CLYBL: variants seen among roughly 807,000 people sequenced by gnomAD.
The protein encoded by CLYBL is citramalyl-CoA lyase, mitochondrial.
CLYBL carries 31 observed loss-of-function variants against 38.9 expected under a neutral mutation model. That is an observed-to-expected ratio of 0.80 (90% CI 0.60 to 1.08). CLYBL has a LOEUF of 1.08. Ranked by LOEUF, CLYBL falls within the 50% of genes least tolerant of loss-of-function variation. The pLI is 0.00. For missense variants in CLYBL, 434 were observed against 411.6 expected (o/e 1.05, Z -0.47); for synonymous variants, 171 against 158.6 (o/e 1.08, Z -0.59).
At chr13:99,838,785 G>A (rs1227437873) in intron 2 of CLYBL, among the ~76,000 whole-genome samples, 5 of 140,378 alleles carry the variant, frequency 3.6e-5, no homozygotes, top group East Asian at 2.2e-4. Flanking sequence ...ACAGGTGTCC[G>A]CCACCACGCC....
intron 1 of CLYBL, among the ~76,000 whole-genome samples, chr13:99,654,738 G>T (rs1398429217): frequency 6.6e-6 from 1 of 152,202 alleles, no homozygotes; most frequent in Non-Finnish European, 1.5e-5. Context: ...GGATGCCGTG[G>T]CTCACGCCTG....
At chr13:99,689,601 G>C (rs1282220381) in intron 1 of CLYBL, among the ~76,000 whole-genome samples, 1 of 152,192 alleles carries the variant, frequency 6.6e-6, no homozygotes, top group South Asian at 2.1e-4. Context: ...TTTGAAGACT[G>C]TATTCAATTG....
At position 99,800,214 on chromosome 13, in the gene CLYBL, C is replaced by T. The variant is rs537302578; in HGVS notation, c.249+27204C>T. Among the ~76,000 whole-genome samples the T allele has an allele frequency of 2.8e-4, 42 of 152,334 alleles. 1 individual carries two copies. The South Asian group carries it at 8.7e-3, about 32-fold the overall frequency. ...AGTCTGGGGCTCAGGGCCAACCAGTCAGTGCACTGCATTCCACTGGCCACC... is the reference window on the plus strand; with the variant it reads ...AGTCTGGGGCTCAGGGCCAACCAGTTAGTGCACTGCATTCCACTGGCCACC... On this transcript the variant is annotated intron_variant, in intron 2 of 8. Transcript: ENST00000339105.
At chr13:99,620,812 G>A (rs9517807) in intron 1 of CLYBL, among the ~76,000 whole-genome samples, 6,286 of 146,004 alleles carry the variant, frequency 0.043, 458 homozygotes, top group African/African-American at 0.15. Flanking sequence ...GAGAGAAAGA[G>A]AGAGAGAGAG....
Position 99,767,968 on chromosome 13 carries a change from TTGAC to T in CLYBL, c.63-4853_63-4850del, listed in dbSNP as rs1225466443. Among the ~76,000 whole-genome samples the T allele has an allele frequency of 5.3e-5, 8 of 152,254 alleles. No homozygotes were observed. In the East Asian group the frequency reaches 1.2e-3, roughly 22 times the overall value. The stretch of plus-strand genomic sequence containing the variant: ...TTTCTGTTGACTTATTTTTCTTCCT[TTGAC>T]TGGGCCATATTTTCATCTTTCTTCA... On this transcript the variant is annotated intron_variant, in intron 1 of 8. Transcript: ENST00000339105.
At chr13:99,848,879 C>T (rs1326441026) in intron 2 of CLYBL, among the ~76,000 whole-genome samples, 4 of 152,162 alleles carry the variant, frequency 2.6e-5, no homozygotes, top group South Asian at 2.1e-4. Context: ...TGGCTCACGC[C>T]GAAAATCCCA....
chr13:99,706,147 G>T (rs1428519314), intron 1 of CLYBL, among the ~76,000 whole-genome samples: 2 of 152,054 alleles, frequency 1.3e-5, no homozygotes, highest in Non-Finnish European at 2.9e-5. Context: ...GGCCAGGCTG[G>T]TTTTGAACTC....
chr13:99,800,300 T>C (rs2138935824), intron 2 of CLYBL, among the ~76,000 whole-genome samples: 1 of 152,286 alleles, frequency 6.6e-6, no homozygotes, highest in East Asian at 1.9e-4. Flanking sequence ...AATATCAGGC[T>C]TTTTGGGGAG....
chr13:99,672,967 C>T (rs2047589397), intron 1 of CLYBL, among the ~76,000 whole-genome samples: 1 of 152,120 alleles, frequency 6.6e-6, no homozygotes, highest in Non-Finnish European at 1.5e-5. Context: ...GAGGAGCCAC[C>T]ATGTTCAGGG....
intron 2 of CLYBL, among the ~76,000 whole-genome samples, chr13:99,773,235 A>G (rs1348942683): frequency 2.6e-5 from 4 of 152,240 alleles, no homozygotes; most frequent in Non-Finnish European, 5.9e-5. Context: ...GACCTTCAGT[A>G]GATGAGACTA....
intron 1 of CLYBL, among the ~76,000 whole-genome samples, chr13:99,750,677 A>G (rs976406866): frequency 3.3e-5 from 5 of 151,440 alleles, no homozygotes; most frequent in African/African-American, 1.2e-4. Flanking sequence ...CTGCCTCAAA[A>G]AAAAAAAAAA....
chr13:99,890,828 C>T (rs1429834023), intron 7 of CLYBL, among the ~76,000 whole-genome samples: 1 of 152,072 alleles, frequency 6.6e-6, no homozygotes, highest in African/African-American at 2.4e-5. Context: ...CTCTTTGTAC[C>T]CTGTACAATC....
intron 1 of CLYBL, among the ~76,000 whole-genome samples, chr13:99,694,251 C>A (rs1352998464): frequency 6.6e-6 from 1 of 152,150 alleles, no homozygotes; most frequent in Non-Finnish European, 1.5e-5. Context: ...CCTGGGGAAT[C>A]TGATAGAACA....
At chr13:99,765,408 C>G (rs1484511227) in intron 1 of CLYBL, among the ~76,000 whole-genome samples, 1 of 152,080 alleles carries the variant, frequency 6.6e-6, no homozygotes, top group Admixed American at 6.5e-5. Flanking sequence ...TGGGTCAAAT[C>G]TGTTTGGTGT....
chr13:99,714,211 A>G (rs2048278671), intron 1 of CLYBL, among the ~76,000 whole-genome samples: 1 of 151,832 alleles, frequency 6.6e-6, no homozygotes, highest in Non-Finnish European at 1.5e-5. Flanking sequence ...TGCTCTTTGC[A>G]TTGTCCGTTT....
intron 2 of CLYBL, among the ~76,000 whole-genome samples, chr13:99,836,903 G>C (rs1392503188): frequency 6.6e-6 from 1 of 152,100 alleles, no homozygotes; most frequent in African/African-American, 2.4e-5. Flanking sequence ...GGTGGGGGAA[G>C]GGGGAGGGAT....
At chr13:99,743,603 G>T (rs935924112) in intron 1 of CLYBL, among the ~76,000 whole-genome samples, 4 of 152,186 alleles carry the variant, frequency 2.6e-5, no homozygotes, top group Admixed American at 1.3e-4. Flanking sequence ...TGCACACTCT[G>T]TGGCTGTACT....
chr13:99,642,561 T>G (rs1357593098), intron 1 of CLYBL, among the ~76,000 whole-genome samples: 3 of 151,492 alleles, frequency 2.0e-5, no homozygotes, highest in Non-Finnish European at 4.4e-5. Flanking sequence ...ACTTCAGGTG[T>G]GTGCCACCTG....
chr13:99,776,495 CA>C (rs1181592895), intron 2 of CLYBL, among the ~76,000 whole-genome samples: 132 of 115,578 alleles, frequency 1.1e-3, no homozygotes, highest in African/African-American at 2.8e-3. Context: ...GACTCTGTCT[CA>C]AAAAAAAAAA....
Sources: gnomAD v4.1 joint callset for allele counts (sites outside exome capture counted in the v4.1 genomes callset) on GRCh38, gnomAD v4.1.1 for gene constraint, MANE v1.5 for transcripts, NCBI Gene and HGNC (gene_info 2026-07-23, HGNC 2026-07-21) for gene names.